The following UBXN7 variants were observed in gnomAD, a reference collection of about 807,000 sequenced individuals.
The protein encoded by UBXN7 is UBX domain-containing protein 7.
A neutral mutation model predicts 58.0 loss-of-function variants in UBXN7; 9 were observed. That is an observed-to-expected ratio of 0.16 (90% CI 0.09 to 0.27). The LOEUF is 0.27. Ranked by LOEUF, UBXN7 falls within the 10% of genes least tolerant of loss-of-function variation. The pLI is 1.00. For missense variants in UBXN7, 328 were observed against 599.6 expected, an observed-to-expected ratio of 0.55 and a Z score of 4.73; for synonymous variants, 208 against 205.0, an observed-to-expected ratio of 1.01 and a Z score of -0.12.
chr3:196,410,288 GCA>G (rs1730285370), intron 1 of UBXN7, among the ~76,000 whole-genome samples: 1 of 151,940 alleles, frequency 6.6e-6, no homozygotes, highest in African/African-American at 2.4e-5. Flanking sequence ...TTTTTTCTCA[GCA>G]GCAGGGTTAC....
chr3:196,375,974 A>G (rs2108836268), intron 5 of UBXN7, among the ~76,000 whole-genome samples: 1 of 152,362 alleles, frequency 6.6e-6, no homozygotes, highest in South Asian at 2.1e-4. Context: ...GGTTGCAGTG[A>G]GCTGGGATCA....
chr3:196,376,565 AAAAG>A (rs1186896094), intron 5 of UBXN7, among the ~76,000 whole-genome samples: 1 of 149,948 alleles, frequency 6.7e-6, no homozygotes, highest in African/African-American at 2.4e-5. Flanking sequence ...AAAAAAAAAA[AAAAG>A]AAAAGAAAAG....
At chr3:196,376,625 G>A (rs376574644) in intron 5 of UBXN7, among the ~76,000 whole-genome samples, 5 of 150,614 alleles carry the variant, frequency 3.3e-5, no homozygotes, top group Non-Finnish European at 5.9e-5. Context: ...TCACATTTTC[G>A]GCTACATATT....
Position 196,351,468 on chromosome 3 carries a change from A to G in UBXN7, c.*5217T>C, listed in dbSNP as rs567942392. Reference sequence around the variant, plus strand: ...TTAAGAGCAAGTTGTTGGTCAAATGATACCTGAACACAGAATAAAAAAAAG... The same window carrying G: ...TTAAGAGCAAGTTGTTGGTCAAATGGTACCTGAACACAGAATAAAAAAAAG... On this transcript the variant is annotated 3_prime_UTR_variant, in exon 11 of 11. Transcript: ENST00000296328. 2 of 149,648 alleles carry G rather than the reference A, an allele frequency of 1.3e-5. No individual in the cohort carries two copies. The highest frequency in any genetic ancestry group is 4.2e-4 in the East Asian group (2 of 4,796). The allele number at this position is 149,648 out of a possible 1,614,324, so 9.3% of individuals were successfully genotyped here.
intron 1 of UBXN7, among the ~76,000 whole-genome samples, chr3:196,428,624 G>C (rs1459509034): frequency 6.6e-6 from 1 of 152,010 alleles, no homozygotes; most frequent in African/African-American, 2.4e-5. Flanking sequence ...CAGGTGCAGT[G>C]TCCCACGCCT....
At chr3:196,372,859 C>T (rs901671743) in intron 5 of UBXN7, among the ~76,000 whole-genome samples, 1 of 151,882 alleles carries the variant, frequency 6.6e-6, no homozygotes. Context: ...GATTCTTCTG[C>T]CTTAGCCTAC....
At chr3:196,393,341 A>T (rs1023371199) in intron 4 of UBXN7, among the ~76,000 whole-genome samples, 1 of 152,328 alleles carries the variant, frequency 6.6e-6, no homozygotes, top group Middle Eastern at 3.4e-3. Flanking sequence ...TATTTCCTAC[A>T]TTATCTCCAT....
chr3:196,351,668 AT>A lies in UBXN7; in HGVS notation c.*5016del, dbSNP rs1728218112. The stretch of plus-strand genomic sequence containing the variant: ...ACTATTAATCTAGTCCAATTATCTC[AT>A]TTTTCAGACGAGAAACCAGAGATTA... On this transcript the variant is annotated 3_prime_UTR_variant, in exon 11 of 11. Transcript: ENST00000296328. 1 of 152,188 alleles carries A rather than the reference AT, an allele frequency of 6.6e-6. No homozygotes were observed. Among genetic ancestry groups the A allele is most frequent in the Non-Finnish European group, 1.5e-5 (1 of 68,028 alleles). The allele number at this position is 152,188 out of a possible 1,614,324, so 9.4% of individuals were successfully genotyped here.
rs1209650086 is a variant in UBXN7, at chr3:196,356,803, C to T, written c.1352G>A (p.Arg451His). 3.1e-6 allele frequency: 5 copies of T among 1,613,650 alleles called. No individual in the cohort carries two copies. Among genetic ancestry groups the T allele is most frequent in the Non-Finnish European group, 3.4e-6 (4 of 1,179,912 alleles). Residue 451 changes from arginine to histidine, a missense_variant, in exon 11 of 11, where the codon CGT becomes CAT. Coordinates refer to ENST00000296328, the MANE Select transcript of UBXN7 (RefSeq NM_015562.2). ...HVQSKGYPNE[R>H]FELLTNFPRR... Reference sequence around the variant, plus strand: ...AGGAAAGTTGGTGAGAAGTTCAAAACGTTCATTTGGGTATCCTTTAGACTG... The same window carrying T: ...AGGAAAGTTGGTGAGAAGTTCAAAATGTTCATTTGGGTATCCTTTAGACTG...
At chr3:196,370,281 GTTTGTT>G (rs1160924924) in intron 6 of UBXN7, among the ~76,000 whole-genome samples, 1 of 35,104 alleles carries the variant, frequency 2.8e-5, no homozygotes, top group East Asian at 0.013. Flanking sequence ...GTTTTTTTTT[GTTTGTT>G]TGTTTGTTTT....
chr3:196,370,184 C>A (rs905141856), intron 6 of UBXN7, among the ~76,000 whole-genome samples: 1 of 149,506 alleles, frequency 6.7e-6, no homozygotes, highest in Non-Finnish European at 1.5e-5. Context: ...GCACCTATAA[C>A]CCTAGCACTT....
In UBXN7 at chr3:196,395,982, T is replaced by C. The variant is rs1729756949; in HGVS notation, c.290-2363A>G. On this transcript the variant is annotated intron_variant, in intron 3 of 10. Coordinates refer to ENST00000296328, the MANE Select transcript of UBXN7 (RefSeq NM_015562.2). ...GGTTTCACCATGTTGGCCAGGCTGG[T>C]CTCAAACTCCTGACCTCAAGTGATC... is the stretch of plus-strand genomic sequence containing the variant. Among the ~76,000 whole-genome samples, 7 of 152,168 alleles carry C rather than the reference T, an allele frequency of 4.6e-5. No individual in the cohort carries two copies. In the South Asian group the frequency reaches 1.5e-3, roughly 32 times the overall value.
chr3:196,363,237 TACATACATACATAA>T (rs1346604039), intron 8 of UBXN7, among the ~76,000 whole-genome samples: 4 of 130,580 alleles, frequency 3.1e-5, no homozygotes, highest in African/African-American at 1.2e-4. Flanking sequence ...CATACATACA[TACATACATACATAA>T]ATATATATAT....
At chr3:196,373,881 T>C (rs979679878) in intron 5 of UBXN7, among the ~76,000 whole-genome samples, 1 of 152,178 alleles carries the variant, frequency 6.6e-6, no homozygotes, top group African/African-American at 2.4e-5. Flanking sequence ...TCTTCTAATA[T>C]TTGCTTACTG....
intron 5 of UBXN7, among the ~76,000 whole-genome samples, chr3:196,390,860 G>T (rs1028097555): frequency 6.6e-6 from 1 of 152,164 alleles, no homozygotes; most frequent in Admixed American, 6.5e-5. Flanking sequence ...CTCAACAGAA[G>T]AGTATCTAAA....
intron 5 of UBXN7, 46 bp downstream of exon 5, chr3:196,391,767 A>G: frequency 6.9e-7 from 1 of 1,447,202 alleles, no homozygotes; most frequent in Non-Finnish European, 9.5e-7. Flanking sequence ...GGCATTGAAA[A>G]TGCAAAAGGA....
At chr3:196,367,952 A>C (rs1728715567) in intron 8 of UBXN7, 76 bp downstream of exon 8, 1 of 1,551,398 alleles carries the variant, frequency 6.4e-7, no homozygotes, top group Admixed American at 1.9e-5. Context: ...TACCATCTTA[A>C]CATCGAACAT....
chr3:196,371,283 C>T (rs1041093960), intron 6 of UBXN7, among the ~76,000 whole-genome samples: 3 of 152,126 alleles, frequency 2.0e-5, no homozygotes, highest in African/African-American at 4.8e-5. Flanking sequence ...AAATACAAAC[C>T]ATATCTTGAA....
intron 1 of UBXN7, among the ~76,000 whole-genome samples, chr3:196,407,881 C>CGG (rs940641969): frequency 1.3e-5 from 2 of 151,918 alleles, no homozygotes; most frequent in Non-Finnish European, 1.5e-5. Flanking sequence ...GGGCAGATCA[C>CGG]GAGGTCAGGA....
Sources: gnomAD v4.1 joint callset for allele counts (sites outside exome capture counted in the v4.1 genomes callset) on GRCh38, gnomAD v4.1.1 for gene constraint, MANE v1.5 for transcripts, NCBI Gene and HGNC (gene_info 2026-07-23, HGNC 2026-07-21) for gene names.